Variants in AGXT observed in about 807,000 individuals in gnomAD.
AGXT encodes L-alanine: glyoxylate aminotransferase 1.
A neutral mutation model predicts 46.9 loss-of-function variants in AGXT; 41 were observed. The observed-to-expected ratio is 0.88, with a 90% CI of 0.68 to 1.14. The LOEUF is 1.14. AGXT is among the 50% of genes most tolerant of loss of function. The pLI, the probability that AGXT is intolerant of heterozygous loss-of-function variation, is 0.00. For missense variants in AGXT, 525 were observed against 522.7 expected, an observed-to-expected ratio of 1.00 and a Z score of -0.04; for synonymous variants, 244 against 227.9, an observed-to-expected ratio of 1.07 and a Z score of -0.64.
chr2:240,878,249 C>T (rs918134779), intron 10 of AGXT, 99 bp downstream of exon 10: 9 of 1,535,382 alleles, frequency 5.9e-6, no homozygotes, highest in Middle Eastern at 1.8e-4. Context: ...CGGGGTCATC[C>T]GAAAGCCCAG....
Position 240,870,728 on chromosome 2 carries a change from G to C in AGXT, c.423+20G>C, listed in dbSNP as rs1193712520. ...GAGGAGGTAGGGGACCCGGGGTGGG[G>C]GTCAGGGCCGGGAGGAGGTGGGAGT... On this transcript the variant is annotated intron_variant, in intron 3 of 10. Coordinates refer to ENST00000307503, the MANE Select transcript of AGXT (RefSeq NM_000030.3). The C allele has an allele frequency of 1.3e-6, 2 of 1,551,532 alleles. No individual in the cohort carries two copies. Among genetic ancestry groups the C allele is most frequent in the East Asian group, 2.4e-5 (1 of 41,244 alleles).
intron 6 of AGXT, among the ~76,000 whole-genome samples, chr2:240,874,338 GAGGGCCTGAGGCCC>G (rs2059010842): frequency 6.6e-6 from 1 of 152,252 alleles, no homozygotes; most frequent in East Asian, 1.9e-4. Flanking sequence ...GGAAAGGACT[GAGGGCCTGAGGCCC>G]AGTGCCCTGA....
chr2:240,876,143 A>G, intron 8 of AGXT, 139 bp downstream of exon 8: 1 of 1,058,542 alleles, frequency 9.4e-7, no homozygotes, highest in Non-Finnish European at 1.4e-6. Context: ...GGGGTGGGGG[A>G]GAGAGGACAG....
intron 7 of AGXT, among the ~76,000 whole-genome samples, chr2:240,875,428 A>G (rs2059018834): frequency 6.6e-6 from 1 of 151,958 alleles, no homozygotes; most frequent in African/African-American, 2.4e-5. Context: ...CATGGCCCCC[A>G]CTGCCGCTTC....
At position 240,880,429 on chromosome 2, in the gene AGXT, TG is replaced by T. The variant is rs367575364; in HGVS notation, c.*1609del. The T allele has an allele frequency of 2.6e-5, 4 of 152,310 alleles. No individual in the cohort carries two copies. The highest frequency in any genetic ancestry group is 9.6e-5 in the African/African-American group (4 of 41,566). 9.4% of individuals were successfully genotyped at this position (152,310 alleles called of 1,614,324 possible). On this transcript the variant is annotated 3_prime_UTR_variant, in exon 11 of 11. Coordinates refer to ENST00000307503, the MANE Select transcript of AGXT (RefSeq NM_000030.3). The stretch of plus-strand genomic sequence containing the variant: ...CTGAAAAGTGTCAGTTCAAATATTT[TG>T]TTCATATTTGGATTTTTATCTTCTT...
Position 240,875,633 on chromosome 2 carries a change from C to T in AGXT, c.777-302C>T, listed in dbSNP as rs141022026. Among the ~76,000 whole-genome samples, 4,103 of 152,356 alleles carry T rather than the reference C, an allele frequency of 0.027. 66 individuals carry two copies. Among genetic ancestry groups the T allele is most frequent in the South Asian group, 0.081 (389 of 4,826 alleles). On this transcript the variant is annotated intron_variant, in intron 7 of 10. Coordinates refer to ENST00000307503, the MANE Select transcript of AGXT (RefSeq NM_000030.3). ...GCCCTAGCCCAGTGGGCACAGAGGG[C>T]CAGTGCCGGCTTCGCAGGCACGCTG...
intron 10 of AGXT, 90 bp downstream of exon 10, chr2:240,878,240 G>C (rs992251541): frequency 1.3e-5 from 20 of 1,554,632 alleles, no homozygotes; most frequent in African/African-American, 8.1e-5. Context: ...AGGGGAGGCC[G>C]GGGTCATCCG....
Position 240,869,341 on chromosome 2 carries a change from G to C in AGXT, c.337G>C (p.Val113Leu). 1 of 1,602,894 alleles carries C rather than the reference G, an allele frequency of 6.2e-7. No individual in the cohort carries two copies. Among genetic ancestry groups the C allele is most frequent in the Non-Finnish European group, 8.5e-7 (1 of 1,173,478 alleles). Residue 113 changes from valine (V) to leucine (L), a missense_variant, in exon 2 of 11, where the codon GTG becomes CTG. Transcript: ENST00000307503. Reference sequence around the variant, plus strand: ...CAATGGCATTTGGGGGCAGCGAGCCGTGGACATCGGGGAGCGCATAGGTAA... The same window carrying C: ...CAATGGCATTTGGGGGCAGCGAGCCCTGGACATCGGGGAGCGCATAGGTAA... ...GANGIWGQRAVDIGERIGARV... is the reference protein window; with the variant it reads ...GANGIWGQRALDIGERIGARV...
chr2:240,877,497 C>T, intron 8 of AGXT, 40 bp from the exon 9 acceptor site: 1 of 1,516,430 alleles, frequency 6.6e-7, no homozygotes, highest in South Asian at 1.2e-5. Flanking sequence ...CCTGCCCACC[C>T]CACCCATGTC....
chr2:240,869,374 G>T lies in AGXT; in HGVS notation c.358+12G>T. On this transcript the variant is annotated intron_variant, in intron 2 of 10. Transcript: ENST00000307503. ...CGGGGAGCGCATAGGTAAGGGAGAG[G>T]CCCAGGTGGGGATGGCCCTGGATCC... 1 of 1,568,420 alleles carries T rather than the reference G, an allele frequency of 6.4e-7. No individual in the cohort carries two copies. Among genetic ancestry groups the T allele is most frequent in the Non-Finnish European group, 8.7e-7 (1 of 1,155,590 alleles).
At chr2:240,877,774 G>A in intron 9 of AGXT, 142 bp downstream of exon 9, 1 of 1,049,484 alleles carries the variant, frequency 9.5e-7, no homozygotes, top group East Asian at 2.6e-5. Flanking sequence ...CCAGGGATTA[G>A]TCTCGGCAGG....
At chr2:240,877,152 T>C (rs1252276720) in intron 8 of AGXT, 1 of 418,944 alleles carries the variant, frequency 2.4e-6, no homozygotes, top group Admixed American at 2.8e-5. Context: ...TCGGGGGAGC[T>C]GGCCCTGAGA....
intron 10 of AGXT, 46 bp from the exon 11 acceptor site, chr2:240,878,668 A>AG (rs1262772413): frequency 1.3e-5 from 20 of 1,519,778 alleles, no homozygotes; most frequent in Non-Finnish European, 1.8e-5. Flanking sequence ...AGGGTCAGGC[A>AG]GGTCCCAGGC....
chr2:240,877,779 G>A (rs1032397069), intron 9 of AGXT, 147 bp downstream of exon 9: 40 of 1,037,222 alleles, frequency 3.9e-5, no homozygotes, highest in Non-Finnish European at 4.9e-5. Context: ...GATTAGTCTC[G>A]GCAGGAGCCA....
At chr2:240,869,929 C>T (rs992147446) in intron 2 of AGXT, among the ~76,000 whole-genome samples, 1 of 152,100 alleles carries the variant, frequency 6.6e-6, no homozygotes, top group Non-Finnish European at 1.5e-5. Context: ...TCCACAATGG[C>T]CATGCTGGTT....
At chr2:240,871,214 A>T in intron 3 of AGXT, 135 bp from the exon 4 acceptor site, 1 of 759,586 alleles carries the variant, frequency 1.3e-6, no homozygotes, top group Non-Finnish European at 2.3e-6. Context: ...TCCTCCTCCC[A>T]TGCACACCAT....
In AGXT at chr2:240,879,098, A is replaced by C. The variant is rs1282081410; in HGVS notation, c.*277A>C. ...TGAGCCTCCCGGGAATGTTTAATAA[A>C]GGGCCTGGCCAACTCTCCTCACTGT... On this transcript the variant is annotated 3_prime_UTR_variant, in exon 11 of 11. Transcript: ENST00000307503. 3 of 558,978 alleles carry C rather than the reference A, an allele frequency of 5.4e-6. No homozygotes were observed. In the African/African-American group the frequency reaches 5.7e-5, roughly 11 times the overall value. 34.6% of individuals were successfully genotyped at this position (558,978 alleles called of 1,614,324 possible). A position where few individuals can be genotyped will look rare whatever the true frequency, so the allele number is the denominator to read the frequency against.
rs2059044311 is a variant in AGXT, at chr2:240,879,166, C to T, written c.*345C>T. The T allele has an allele frequency of 2.5e-6, 1 of 404,640 alleles. No homozygotes were observed. Among genetic ancestry groups the T allele is most frequent in the Non-Finnish European group, 4.6e-6 (1 of 216,290 alleles). 25.1% of individuals were successfully genotyped at this position (404,640 alleles called of 1,614,324 possible). A position where few individuals can be genotyped will look rare whatever the true frequency, so the allele number is the denominator to read the frequency against. On this transcript the variant is annotated 3_prime_UTR_variant, in exon 11 of 11. Coordinates refer to ENST00000307503, the MANE Select transcript of AGXT (RefSeq NM_000030.3). ...AGAGTGAGAGGAGAGCATCTCTGCT[C>T]CCTGAGCTGCCTGATTGTGGACTTT...
rs116523925 is a variant in AGXT at position 240,871,917 on chromosome 2, G to A, written c.524+468G>A. On this transcript the variant is annotated intron_variant, in intron 4 of 10. Transcript: ENST00000307503. ...GAGCCCCTTGGGACCCAGCAGTCCC[G>A]TCTGCAGGTCTGAGCACAGGACAGA... Among the ~76,000 whole-genome samples, 1,438 of 152,356 alleles carry A rather than the reference G, an allele frequency of 9.4e-3. 19 individuals are homozygous for A. The highest frequency in any genetic ancestry group is 0.032 in the African/African-American group (1,326 of 41,584).
Sources: allele counts gnomAD v4.1 joint callset (sites outside exome capture counted in the v4.1 genomes callset), GRCh38; gene constraint gnomAD v4.1.1; transcripts MANE v1.5; gene names NCBI Gene and HGNC (gene_info 2026-07-23, HGNC 2026-07-21).